Variants in RNF38 observed in about 807,000 individuals in gnomAD.
The protein encoded by RNF38 is E3 ubiquitin-protein ligase RNF38.
RNF38 carries 15 observed loss-of-function variants against 67.2 expected under a neutral mutation model. That is an observed-to-expected ratio of 0.22 (90% confidence interval 0.15 to 0.34). The LOEUF (loss-of-function observed/expected upper bound fraction) is 0.34, where lower values mean the gene tolerates loss of function less well. Ranked by LOEUF, RNF38 falls within the 10% of genes least tolerant of loss-of-function variation. The probability of loss-of-function intolerance (pLI) is 1.00; values close to 1 mark genes in which losing one functional copy is unlikely to be tolerated. For synonymous variants in RNF38, 220 were observed against 218.8 expected (o/e 1.01, Z -0.05); for missense variants, 524 against 639.9 (o/e 0.82, Z 1.95).
At chr9:36,422,783 C>T (rs899157994) in intron 2 of RNF38, among the ~76,000 whole-genome samples, 5 of 151,976 alleles carry the variant, frequency 3.3e-5, no homozygotes, top group African/African-American at 9.7e-5. Flanking sequence ...CCCTTTTTTC[C>T]CCCATATTTC....
upstream of RNF38, chr9:36,401,270 T>C (rs776458660): frequency 7.2e-4 from 702 of 972,326 alleles, no homozygotes; most frequent in Non-Finnish European, 7.9e-4. Context: ...GCAACAGAGC[T>C]CCGCGCGCAG....
chr9:36,388,740 G>T (rs936773943), intron 2 of RNF38, among the ~76,000 whole-genome samples: 11 of 152,062 alleles, frequency 7.2e-5, no homozygotes, highest in Non-Finnish European at 1.6e-4. Flanking sequence ...AGAAAAAAAT[G>T]AAAACACAGG....
intron 2 of RNF38, among the ~76,000 whole-genome samples, chr9:36,410,913 T>C (rs1353108444): frequency 6.6e-6 from 1 of 152,116 alleles, no homozygotes; most frequent in Non-Finnish European, 1.5e-5. Flanking sequence ...TGGGTAGAAT[T>C]TCAGTTTAGG....
intron 1 of RNF38, among the ~76,000 whole-genome samples, chr9:36,429,040 G>C (rs1241241525): frequency 1.3e-5 from 2 of 152,132 alleles, no homozygotes; most frequent in Non-Finnish European, 2.9e-5. Flanking sequence ...TGGGAACATA[G>C]GAATAAATAA....
rs201691946 is a variant in RNF38 at position 36,376,047 on chromosome 9, T to G, written c.243A>C (p.Ser81=). The stretch of plus-strand genomic sequence containing the variant: ...TCATCTCCCATGGTCGCATTGGTGG[T>G]GAGGGAGCTGGTGATGCTGATGTAT... ...FDYTSASPAP[S]PPMRPWEMTS... The change falls in exon 3 of 12, where the codon TCA becomes TCC. Residue 81 remains serine (S), a synonymous_variant. Transcript: ENST00000259605. 3.2e-5 allele frequency: 51 copies of G among 1,613,250 alleles called. No individual in the cohort carries two copies. In the East Asian group the frequency reaches 1.1e-3, roughly 36 times the overall value.
At chr9:36,427,446 G>C (rs562530286) in intron 1 of RNF38, among the ~76,000 whole-genome samples, 1 of 152,200 alleles carries the variant, frequency 6.6e-6, no homozygotes, top group Admixed American at 6.5e-5. Context: ...AACCCCAAAT[G>C]TAAGGGTATT....
At chr9:36,402,573 T>C (rs1454697326), upstream of RNF38, among the ~76,000 whole-genome samples, 2 of 151,138 alleles carry the variant, frequency 1.3e-5, no homozygotes, top group South Asian at 2.1e-4. Context: ...GATAGGACTA[T>C]GTGAAGAGAG....
At chr9:36,473,962 G>A (rs1334601019) in intron 1 of RNF38, among the ~76,000 whole-genome samples, 1 of 147,194 alleles carries the variant, frequency 6.8e-6, no homozygotes, top group Non-Finnish European at 1.5e-5. Flanking sequence ...CTCCAGCCTG[G>A]GCAATAGAGC....
intron 9 of RNF38, among the ~76,000 whole-genome samples, chr9:36,345,927 T>C (rs951465875): frequency 1.3e-5 from 2 of 152,136 alleles, no homozygotes; most frequent in African/African-American, 2.4e-5. Context: ...GTCCTATAAA[T>C]AGGGAGATGT....
At chr9:36,372,493 C>A in intron 3 of RNF38, 1 of 704,786 alleles carries the variant, frequency 1.4e-6, no homozygotes, top group South Asian at 1.5e-5. Context: ...GCTTTGTGCT[C>A]ACCTCTGTAA....
chr9:36,476,519 CTTTTT>C (rs67780076), intron 1 of RNF38, among the ~76,000 whole-genome samples: 4 of 94,132 alleles, frequency 4.2e-5, no homozygotes, highest in Admixed American at 3.7e-4. Flanking sequence ...ATCGGGCAAT[CTTTTT>C]TTTTTTTTTT....
At chr9:36,449,725 G>A (rs540005017) in intron 1 of RNF38, among the ~76,000 whole-genome samples, 5 of 152,178 alleles carry the variant, frequency 3.3e-5, no homozygotes, top group Middle Eastern at 3.4e-3. Flanking sequence ...ATGAGCCACC[G>A]CTCCCAGCCT....
intron 1 of RNF38, among the ~76,000 whole-genome samples, chr9:36,446,924 C>CA (rs1282246999): frequency 6.8e-6 from 1 of 147,450 alleles, no homozygotes; most frequent in Admixed American, 6.8e-5. Context: ...AGTTCGAGAC[C>CA]AATCTGGCCA....
intron 1 of RNF38, among the ~76,000 whole-genome samples, chr9:36,432,654 G>A (rs867763116): frequency 5.3e-5 from 8 of 152,054 alleles, no homozygotes; most frequent in South Asian, 4.1e-4. Flanking sequence ...TTAGCTGGGC[G>A]TGGTGGTGGG....
intron 1 of RNF38, among the ~76,000 whole-genome samples, chr9:36,394,976 C>T (rs1289165784): frequency 1.3e-5 from 2 of 152,226 alleles, no homozygotes; most frequent in African/African-American, 2.4e-5. Context: ...GCCAAGGAAA[C>T]ATCCTGAGAC....
chr9:36,444,161 G>C (rs1839253162), intron 1 of RNF38, among the ~76,000 whole-genome samples: 1 of 152,290 alleles, frequency 6.6e-6, no homozygotes. Context: ...CAGTCAGCTA[G>C]CCATTCTTGA....
At chr9:36,448,696 T>A (rs1008666145) in intron 1 of RNF38, among the ~76,000 whole-genome samples, 2 of 152,080 alleles carry the variant, frequency 1.3e-5, no homozygotes, top group Non-Finnish European at 2.9e-5. Context: ...CTAAATATAT[T>A]ATCTCAGGTT....
chr9:36,428,458 T>C (rs907525442), intron 1 of RNF38, among the ~76,000 whole-genome samples: 1 of 99,780 alleles, frequency 1.0e-5, no homozygotes, highest in African/African-American at 2.8e-5. Context: ...TGTTTACATA[T>C]ATATATATAT....
At chr9:36,386,484 A>G (rs1836646921) in intron 2 of RNF38, among the ~76,000 whole-genome samples, 1 of 152,184 alleles carries the variant, frequency 6.6e-6, no homozygotes, top group Admixed American at 6.5e-5. Flanking sequence ...CATTCACCTA[A>G]TTTAACTTTA....
Sources: gnomAD v4.1 joint callset for allele counts (sites outside exome capture counted in the v4.1 genomes callset) on GRCh38, gnomAD v4.1.1 for gene constraint, MANE v1.5 for transcripts, NCBI Gene and HGNC (gene_info 2026-07-23, HGNC 2026-07-21) for gene names.